Variants in VDR observed in about 807,000 individuals in gnomAD.
VDR encodes vitamin D3 receptor.
In VDR, 19 loss-of-function variants were observed where a neutral mutation model predicts 39.7. The observed-to-expected ratio is 0.48, with a 90% CI of 0.33 to 0.70. VDR has a LOEUF of 0.70. Ranked by LOEUF, VDR falls within the 30% of genes least tolerant of loss-of-function variation. VDR has a pLI of 0.02. For synonymous variants in VDR, 242 were observed against 215.8 expected, an observed-to-expected ratio of 1.12 and a Z score of -1.07; for missense variants, 442 against 570.5, an observed-to-expected ratio of 0.77 and a Z score of 2.29.
chr12:47,852,386 C>T lies in VDR; in HGVS notation c.755+3244G>A, dbSNP rs144411747. Among the ~76,000 whole-genome samples, 363 of 152,324 alleles carry T rather than the reference C, an allele frequency of 2.4e-3. 8 individuals are homozygous for T. In the South Asian group the frequency reaches 0.025, roughly 11 times the overall value. On this transcript the variant is annotated intron_variant, in intron 7 of 9. Coordinates refer to ENST00000549336, the MANE Select transcript of VDR (RefSeq NM_000376.3). ...AATATGTGGAGTTTGCAAACAGTAACGTGAAGCGTGGAGGAGGGAGTTGGA... is the reference window on the plus strand; with the variant it reads ...AATATGTGGAGTTTGCAAACAGTAATGTGAAGCGTGGAGGAGGGAGTTGGA...
Position 47,844,714 on chromosome 12 carries a change from C to G in VDR, c.*32G>C. On this transcript the variant is annotated 3_prime_UTR_variant, in exon 10 of 10. Coordinates refer to ENST00000549336, the MANE Select transcript of VDR (RefSeq NM_000376.3). ...CTGGCACGTGGCCCTGGAGGAGCAG[C>G]CCCACCCAGGCACCGCCACAGGCTG... 1 of 1,613,192 alleles carries G rather than the reference C, an allele frequency of 6.2e-7. No homozygotes were observed. The highest frequency in any genetic ancestry group is 2.2e-5 in the East Asian group (1 of 44,850).
At chr12:47,871,755 G>A (rs12721396) in intron 3 of VDR, among the ~76,000 whole-genome samples, 53,006 of 152,070 alleles carry the variant, frequency 0.35, 10,040 homozygotes, top group East Asian at 0.69. Context: ...ATGAGCCACC[G>A]TGCCCAGCCA....
intron 3 of VDR, among the ~76,000 whole-genome samples, chr12:47,867,224 C>T (rs1945755984): frequency 6.6e-6 from 1 of 152,034 alleles, no homozygotes; most frequent in Admixed American, 6.5e-5. Context: ...CACGGTGGCA[C>T]ATGCCTATAG....
At chr12:47,899,864 G>A (rs1039583401) in intron 1 of VDR, 2 of 971,390 alleles carry the variant, frequency 2.1e-6, no homozygotes, top group African/African-American at 3.5e-5. Context: ...AGGATTGAGG[G>A]AGGCAAGCAA....
intron 3 of VDR, 24 bp downstream of exon 3, chr12:47,878,944 G>T: frequency 6.2e-7 from 1 of 1,614,122 alleles, no homozygotes; most frequent in African/African-American, 1.3e-5. Context: ...TTTCCACTGG[G>T]GAGAGCCTGG....
intron 7 of VDR, among the ~76,000 whole-genome samples, chr12:47,847,346 CT>C (rs1945300040): frequency 1.3e-5 from 2 of 149,472 alleles, no homozygotes; most frequent in Non-Finnish European, 2.9e-5. Flanking sequence ...GAATCCCAGA[CT>C]TGTGTCTCTC....
Position 47,843,436 on chromosome 12 carries a change from A to G in VDR, c.*1310T>C, listed in dbSNP as rs902601958. The G allele has an allele frequency of 2.0e-5, 3 of 152,348 alleles. No homozygotes were observed. The highest frequency in any genetic ancestry group is 7.2e-5 in the African/African-American group (3 of 41,418). 9.4% of individuals were successfully genotyped at this position (152,348 alleles called of 1,614,324 possible). On this transcript the variant is annotated 3_prime_UTR_variant, in exon 10 of 10. Coordinates refer to ENST00000549336, the MANE Select transcript of VDR (RefSeq NM_000376.3). ...ACGCCTTTCTGTACCGGTCCCGCACACCTACAGCTCACTCTCACAAAGACC... is the reference window on the plus strand; with the variant it reads ...ACGCCTTTCTGTACCGGTCCCGCACGCCTACAGCTCACTCTCACAAAGACC...
At chr12:47,853,801 A>G (rs1220610701) in intron 7 of VDR, among the ~76,000 whole-genome samples, 1 of 152,142 alleles carries the variant, frequency 6.6e-6, no homozygotes, top group Non-Finnish European at 1.5e-5. Flanking sequence ...ACGCTCCTGT[A>G]GTTCCAGCTA....
chr12:47,871,354 C>CTTTG (rs1945870370), intron 3 of VDR, among the ~76,000 whole-genome samples: 1 of 142,410 alleles, frequency 7.0e-6, no homozygotes, highest in Non-Finnish European at 1.5e-5. Flanking sequence ...TTCTTTCTTT[C>CTTTG]TTTCCTTTCT....
chr12:47,871,127 C>CAGACATTTTA (rs1565622388), intron 3 of VDR, among the ~76,000 whole-genome samples: 1 of 152,084 alleles, frequency 6.6e-6, no homozygotes, highest in Non-Finnish European at 1.5e-5. Context: ...GTTAAACACA[C>CAGACATTTTA]AGACATTTTA....
At chr12:47,867,646 A>T (rs1945764968) in intron 3 of VDR, among the ~76,000 whole-genome samples, 1 of 152,184 alleles carries the variant, frequency 6.6e-6, no homozygotes, top group African/African-American at 2.4e-5. Context: ...ATGGGGAAAG[A>T]TGGTGGCAGA....
intron 1 of VDR, among the ~76,000 whole-genome samples, chr12:47,888,710 G>A (rs12721404): frequency 0.011 from 1,607 of 152,258 alleles, 8 homozygotes; most frequent in Non-Finnish European, 0.018. Context: ...CTGAAGAAAC[G>A]GAGGCCGTGA....
At chr12:47,853,245 A>G (rs975884148) in intron 7 of VDR, among the ~76,000 whole-genome samples, 1 of 151,338 alleles carries the variant, frequency 6.6e-6, no homozygotes, top group Non-Finnish European at 1.5e-5. Flanking sequence ...GATCAAGACC[A>G]TCCTGGCTAA....
chr12:47,870,941 CAAA>C (rs1166738998), intron 3 of VDR, among the ~76,000 whole-genome samples: 1 of 152,134 alleles, frequency 6.6e-6, no homozygotes, highest in Non-Finnish European at 1.5e-5. Flanking sequence ...TATACCCCAG[CAAA>C]TCTAAAGGAA....
chr12:47,873,351 C>CTTTTTTTTTTTTTTTT lies in VDR; in HGVS notation c.146+5601_146+5616dup, dbSNP rs71077177. 1.0e-3 allele frequency among the ~76,000 whole-genome samples: 99 copies of CTTTTTTTTTTTTTTTT among 98,432 alleles called. 11 individuals are homozygous for CTTTTTTTTTTTTTTTT. Among genetic ancestry groups the CTTTTTTTTTTTTTTTT allele is most frequent in the East Asian group, 4.7e-3 (11 of 2,324 alleles). The allele number at this position is 98,432 out of a possible 152,430, so 64.6% of individuals were successfully genotyped here. ...ACCATGAGTCAATTAAACCTGTTTT[C>CTTTTTTTTTTTTTTTT]TTTTTTTTTTTTTTTTTTTTTTTTT... On this transcript the variant is annotated intron_variant, in intron 3 of 9. Coordinates refer to ENST00000549336, the MANE Select transcript of VDR (RefSeq NM_000376.3).
At chr12:47,865,869 C>T (rs1945723227) in intron 3 of VDR, among the ~76,000 whole-genome samples, 1 of 151,668 alleles carries the variant, frequency 6.6e-6, no homozygotes, top group East Asian at 1.9e-4. Context: ...CCCGCCACCA[C>T]TCCTGGCTAA....
chr12:47,870,164 T>A (rs564921479), intron 3 of VDR, among the ~76,000 whole-genome samples: 63 of 152,282 alleles, frequency 4.1e-4, no homozygotes, highest in South Asian at 8.3e-4. Flanking sequence ...GGGCCACAGA[T>A]CCTCTTGGCT....
intron 3 of VDR, among the ~76,000 whole-genome samples, chr12:47,866,065 T>C (rs1945728400): frequency 6.6e-6 from 1 of 151,716 alleles, no homozygotes; most frequent in Non-Finnish European, 1.5e-5. Context: ...CCTTCCCATT[T>C]TAAAAAATTA....
At chr12:47,870,625 G>C (rs1945831783) in intron 3 of VDR, among the ~76,000 whole-genome samples, 1 of 152,124 alleles carries the variant, frequency 6.6e-6, no homozygotes, top group Admixed American at 6.5e-5. Flanking sequence ...AAGAGCCTGG[G>C]GCCAGGGCCT....
Sources: gnomAD v4.1 joint callset for allele counts (sites outside exome capture counted in the v4.1 genomes callset) on GRCh38, gnomAD v4.1.1 for gene constraint, MANE v1.5 for transcripts, NCBI Gene and HGNC (gene_info 2026-07-23, HGNC 2026-07-21) for gene names.